IFT172: variants seen among roughly 807,000 people sequenced by gnomAD.
The protein encoded by IFT172 is intraflagellar transport protein 172 homolog.
In IFT172, 164 loss-of-function variants were observed where a neutral mutation model predicts 248.9. The ratio of observed to expected loss-of-function variants is 0.66; its 90% CI spans 0.58 to 0.75. IFT172 has a LOEUF of 0.75. Ranked by LOEUF, IFT172 falls within the 30% of genes least tolerant of loss-of-function variation. The probability of loss-of-function intolerance (pLI) is 0.00; values close to 1 mark genes in which losing one functional copy is unlikely to be tolerated. For missense variants in IFT172, 1,950 were observed against 2,192.4 expected, an observed-to-expected ratio of 0.89 and a Z score of 2.21; for synonymous variants, 729 against 791.6, an observed-to-expected ratio of 0.92 and a Z score of 1.33.
chr2:27,480,022 A>G lies in IFT172; in HGVS notation c.909+4T>C. 6.2e-7 allele frequency: 1 copy of G among 1,612,112 alleles called. No homozygotes were observed. The highest frequency in any genetic ancestry group is 1.3e-5 in the African/African-American group (1 of 74,886). On this transcript the variant is annotated splice_donor_region_variant and intron_variant, in intron 9 of 47. Coordinates refer to ENST00000260570, the MANE Select transcript of IFT172 (RefSeq NM_015662.3). Reference sequence around the variant, plus strand: ...AATCCAGAAAGGGATTACTAGTAACACACCACACAGAGCCGTGAGCCATCC... The same window carrying G: ...AATCCAGAAAGGGATTACTAGTAACGCACCACACAGAGCCGTGAGCCATCC...
At chr2:27,452,719 G>A (rs1049872358) in intron 35 of IFT172, among the ~76,000 whole-genome samples, 8 of 152,174 alleles carry the variant, frequency 5.3e-5, no homozygotes, top group African/African-American at 1.7e-4. Flanking sequence ...AAGGCCAGGC[G>A]TGGGATCACC....
rs533651102 is a variant in IFT172 at position 27,480,775 on chromosome 2, C to T, written c.785+271G>A. On this transcript the variant is annotated intron_variant, in intron 8 of 47. Transcript: ENST00000260570. ...GTAATATAATGTGAGAAACTCTAAG[C>T]GGTCTCAAAGGGGGCAATGGAAACA... 1.5e-3 allele frequency among the ~76,000 whole-genome samples: 226 copies of T among 152,142 alleles called. 2 individuals carry two copies. Among genetic ancestry groups the T allele is most frequent in the African/African-American group, 5.0e-3 (208 of 41,500 alleles).
At chr2:27,487,431 A>T (rs1020563899) in intron 1 of IFT172, among the ~76,000 whole-genome samples, 1 of 152,244 alleles carries the variant, frequency 6.6e-6, no homozygotes, top group Admixed American at 6.5e-5. Context: ...AGGCATTTTG[A>T]TAAGTGCTTG....
At chr2:27,449,437 AG>A in intron 38 of IFT172, 57 bp from the exon 39 acceptor site, 3 of 1,613,952 alleles carry the variant, frequency 1.9e-6, no homozygotes, top group Non-Finnish European at 2.5e-6. Flanking sequence ...GGGAAAGAAG[AG>A]GGAGAGAGTC....
chr2:27,446,053 T>G, intron 43 of IFT172, 65 bp from the exon 44 acceptor site: 3 of 1,589,994 alleles, frequency 1.9e-6, no homozygotes, highest in South Asian at 1.1e-5. Context: ...TTCTCTGGGA[T>G]CCAGATGCAA....
intron 1 of IFT172, among the ~76,000 whole-genome samples, chr2:27,487,253 C>T (rs1486677326): frequency 6.6e-6 from 1 of 152,050 alleles, no homozygotes; most frequent in African/African-American, 2.4e-5. Context: ...CCTGTGTTCT[C>T]ATTTCCTCCT....
In IFT172 at chr2:27,485,117, C is replaced by T. The variant is rs1337472006; in HGVS notation, c.197G>A (p.Ser66Asn). ...AAAAGCCATGCCCTTCACCATATAG[C>T]TCTTCCTGCCATACTAAGAGTTTAA... ...KPADMKYGRKSYMVKGMAFSP... is the reference protein window; with the variant it reads ...KPADMKYGRKNYMVKGMAFSP... Residue 66 changes from serine to asparagine, a missense_variant, in exon 3 of 48, where the codon AGC becomes AAC. Physicochemically the swap from Ser to Asn is conservative, Grantham distance 46. Around this residue, in one of 3 missense-constraint regions of IFT172, gnomAD observed 1,166 missense variants for 1,254.1 expected, o/e 0.93. Coordinates refer to ENST00000260570, the MANE Select transcript of IFT172 (RefSeq NM_015662.3). The T allele has an allele frequency of 1.9e-6, 3 of 1,597,844 alleles. No individual in the cohort carries two copies. The highest frequency in any genetic ancestry group is 2.6e-6 in the Non-Finnish European group (3 of 1,167,506).
chr2:27,454,183 A>G lies in IFT172; in HGVS notation c.3531-21T>C, dbSNP rs746248405. 2 of 1,608,490 alleles carry G rather than the reference A, an allele frequency of 1.2e-6. No individual in the cohort carries two copies. The highest frequency in any genetic ancestry group is 2.2e-5 in the South Asian group (2 of 90,514). ...CAAACCTGCCTCCAGGTGGGGACAG[A>G]GGAGAGACTGAGTATAGGACTGAGG... On this transcript the variant is annotated intron_variant, in intron 32 of 47. Transcript: ENST00000260570. The surrounding 1 kb of genome is among the most constrained non-coding windows in gnomAD (Gnocchi z 4.2).
In IFT172 at chr2:27,461,749, A is replaced by T. The variant is rs368782783; in HGVS notation, c.2193+10T>A. On this transcript the variant is annotated intron_variant, in intron 21 of 47. Coordinates refer to ENST00000260570, the MANE Select transcript of IFT172 (RefSeq NM_015662.3). The stretch of plus-strand genomic sequence containing the variant: ...ATTCTGAACAACTGTGGAGAAGATA[A>T]AACAGGTACCTTGGCTTCAGCCACA... 499 of 1,614,022 alleles carry T rather than the reference A, an allele frequency of 3.1e-4. No homozygotes were observed. The highest frequency in any genetic ancestry group is 3.9e-4 in the Non-Finnish European group (463 of 1,180,022).
chr2:27,465,438 T>C lies in IFT172; in HGVS notation c.1910A>G (p.Glu637Gly). The change falls in exon 18 of 48, where the codon GAG becomes GGG. Residue 637 changes from glutamate to glycine, a missense_variant. Glu to Gly is a moderately conservative substitution (Grantham distance 98). Transcript: ENST00000260570. ...MWKTLSKLAL[E>G]ARQLHIAERC... is the part of the protein sequence containing the mutation. ...CTCCGCAATGTGTAGTTGCCTTGCC[T>C]CTAGTGCCAGTTTACTCAAGGTTTT... is the stretch of plus-strand genomic sequence containing the variant. 6.2e-7 allele frequency: 1 copy of C among 1,614,168 alleles called. No homozygotes were observed. The highest frequency in any genetic ancestry group is 2.2e-5 in the East Asian group (1 of 44,878).
At chr2:27,446,865 AATTTTTTGT>A (rs563849016) in intron 42 of IFT172, among the ~76,000 whole-genome samples, 1,739 of 151,200 alleles carry the variant, frequency 0.012, 13 homozygotes, top group South Asian at 0.036. Context: ...GTGCCTGGCT[AATTTTTTGT>A]ATTTTTAGTA....
chr2:27,463,092 C>T lies in IFT172; in HGVS notation c.2022+5G>A, dbSNP rs1002732809. On this transcript the variant is annotated splice_donor_5th_base_variant and intron_variant, in intron 19 of 47. Transcript: ENST00000260570. ...GACAGAATGAATCAGGAGCATAATA[C>T]TTGCATATTCCCGGGATACTTGATC... The T allele has an allele frequency of 9.3e-6, 15 of 1,613,570 alleles. No individual in the cohort carries two copies. The highest frequency in any genetic ancestry group is 1.3e-5 in the Non-Finnish European group (15 of 1,179,518).
At chr2:27,447,734 A>G (rs1572717090) in intron 41 of IFT172, 78 bp downstream of exon 41, 2 of 1,604,448 alleles carry the variant, frequency 1.2e-6, no homozygotes, top group East Asian at 4.5e-5. Flanking sequence ...GGTAAAATAC[A>G]TCTGAGAATA....
intron 34 of IFT172, 54 bp downstream of exon 34, chr2:27,453,576 T>A (rs1030443782): frequency 6.2e-7 from 1 of 1,609,058 alleles, no homozygotes; most frequent in African/African-American, 1.3e-5. Flanking sequence ...ATCCTGTGTA[T>A]GCCTCATGAC....
intron 10 of IFT172, 63 bp from the exon 11 acceptor site, chr2:27,478,219 A>G: frequency 1.2e-6 from 2 of 1,601,618 alleles, no homozygotes; most frequent in Non-Finnish European, 1.7e-6. Flanking sequence ...GTGAACAACC[A>G]TGACCTTTGC....
At position 27,488,310 on chromosome 2, in the gene IFT172, C is replaced by T. The variant is rs1233995363; in HGVS notation, c.39+1305G>A. On this transcript the variant is annotated intron_variant, in intron 1 of 47. Transcript: ENST00000260570. ...CTGGGATTACAGGCGGCTGCTGCCA[C>T]GCCCGGCTAATTTTTGCATTTTTAG... 3.9e-5 allele frequency among the ~76,000 whole-genome samples: 6 copies of T among 152,196 alleles called. No individual in the cohort carries two copies. The South Asian group carries it at 6.2e-4, about 16-fold the overall frequency.
Position 27,461,353 on chromosome 2 carries a change from C to A in IFT172, c.2358G>T (p.Val786=). Residue 786 remains valine (V), a synonymous_variant, in exon 22 of 48, where the codon GTG becomes GTT. Coordinates refer to ENST00000260570, the MANE Select transcript of IFT172 (RefSeq NM_015662.3). ...TGGCTAGCAGTTCCTCTCGGGTCAG[C>A]ACCAGCCGAGCAGCTTTGGCAGGGA... ...AGLPAKAARL[V]LTREELLANT... 6.2e-7 allele frequency: 1 copy of A among 1,614,196 alleles called. No homozygotes were observed. The highest frequency in any genetic ancestry group is 8.5e-7 in the Non-Finnish European group (1 of 1,180,034).
chr2:27,485,307 T>C (rs926096921), intron 2 of IFT172, 53 bp downstream of exon 2: 3 of 1,609,094 alleles, frequency 1.9e-6, no homozygotes, highest in African/African-American at 2.7e-5. Context: ...GTCTTTCAAG[T>C]TGTGAGACCC....
chr2:27,485,186 G>T (rs770154249), intron 2 of IFT172, 56 bp from the exon 3 acceptor site: 237 of 1,437,678 alleles, frequency 1.6e-4, no homozygotes, highest in Admixed American at 4.3e-4. Flanking sequence ...ACACATGAAA[G>T]AGAAAAGAGA....
Sources: allele counts gnomAD v4.1 joint callset (sites outside exome capture counted in the v4.1 genomes callset), GRCh38; gene constraint gnomAD v4.1.1; regional missense constraint gnomAD v4.1.1; non-coding constraint Gnocchi (gnomAD v3.1); transcripts MANE v1.5; gene names NCBI Gene and HGNC (gene_info 2026-07-23, HGNC 2026-07-21).